The following PRR16 variants were observed in gnomAD, a reference collection of about 807,000 sequenced individuals.
PRR16 encodes proline rich 16.
PRR16 carries 6 observed loss-of-function variants against 18.2 expected under a neutral mutation model. The observed-to-expected ratio is 0.33, with a 90% CI of 0.18 to 0.65. PRR16 has a LOEUF of 0.65. Among genes scored for constraint, PRR16 ranks in the 30% least tolerant of loss-of-function variants. The pLI is 0.74. For missense variants in PRR16, 412 were observed against 376.6 expected (o/e 1.09, Z -0.78); for synonymous variants, 151 against 147.8 (o/e 1.02, Z -0.16).
chr5:120,694,529 A>C, the PRR16 span, among the ~76,000 whole-genome samples: 1 of 151,960 alleles, frequency 6.6e-6, no homozygotes. Context: ...CTAAAAATAC[A>C]AAAAATTAGC....
At chr5:120,669,888 G>T (rs1311442675) in intron 1 of PRR16, among the ~76,000 whole-genome samples, 2 of 151,946 alleles carry the variant, frequency 1.3e-5, no homozygotes, top group Non-Finnish European at 2.9e-5. Flanking sequence ...TGGGGGCTTT[G>T]ATTTTTTTTA....
intron 1 of PRR16, among the ~76,000 whole-genome samples, chr5:120,562,373 A>G (rs1347400698): frequency 6.6e-6 from 1 of 151,798 alleles, no homozygotes; most frequent in South Asian, 2.1e-4. Flanking sequence ...GTGTATTTTT[A>G]TAGGAGAAGT....
intron 1 of PRR16, among the ~76,000 whole-genome samples, chr5:120,530,905 G>A (rs1021439960): frequency 1.5e-4 from 23 of 152,138 alleles, no homozygotes; most frequent in Admixed American, 1.4e-3. Context: ...GGCTTTATTC[G>A]AGTAAGATAG....
At chr5:120,716,369 ATATATTTCCAC>A in the PRR16 span, among the ~76,000 whole-genome samples, 1 of 152,142 alleles carries the variant, frequency 6.6e-6, no homozygotes, top group Non-Finnish European at 1.5e-5. Flanking sequence ...GGAAACATAC[ATATATTTCCAC>A]TATCTACTCC....
chr5:120,647,585 T>C (rs1360248273), intron 1 of PRR16, among the ~76,000 whole-genome samples: 1 of 152,114 alleles, frequency 6.6e-6, no homozygotes. Flanking sequence ...ATTTCAAGTA[T>C]GTTATAATAT....
At chr5:120,666,318 G>C (rs1033112135) in intron 1 of PRR16, among the ~76,000 whole-genome samples, 122 of 152,304 alleles carry the variant, frequency 8.0e-4, no homozygotes, top group African/African-American at 2.8e-3. Flanking sequence ...TGTATCCTGA[G>C]ACTTTGCTGA....
rs1020603610 is a variant in PRR16, at chr5:120,667,709, T to C, written c.160-18245T>C. Among the ~76,000 whole-genome samples, 13 of 152,170 alleles carry C rather than the reference T, an allele frequency of 8.5e-5. No individual in the cohort carries two copies. The East Asian group carries it at 2.5e-3, about 29-fold the overall frequency. ...CTTTATTTCTGCCTTCATTTCATTA[T>C]GTACCCAGTAGTCATTCAGGAGCAG... On this transcript the variant is annotated intron_variant, in intron 1 of 1. Transcript: ENST00000407149.
chr5:120,530,318 A>C (rs1362870906), intron 1 of PRR16, among the ~76,000 whole-genome samples: 18 of 130,890 alleles, frequency 1.4e-4, no homozygotes, highest in African/African-American at 5.4e-4. Context: ...TTTATATTTT[A>C]CTACACACAC....
chr5:120,547,951 A>G (rs920287822), intron 1 of PRR16, among the ~76,000 whole-genome samples: 1 of 152,104 alleles, frequency 6.6e-6, no homozygotes, highest in African/African-American at 2.4e-5. Flanking sequence ...AAAAAGCCAG[A>G]TAATGAGAAT....
At chr5:120,643,460 A>C in intron 1 of PRR16, among the ~76,000 whole-genome samples, 1 of 152,128 alleles carries the variant, frequency 6.6e-6, no homozygotes, top group East Asian at 1.9e-4. Flanking sequence ...GAAAAATGAG[A>C]ACATGATTTT....
At chr5:120,773,245 A>T in the PRR16 span, among the ~76,000 whole-genome samples, 3 of 152,250 alleles carry the variant, frequency 2.0e-5, no homozygotes, top group Admixed American at 2.0e-4. Context: ...TGACTTGAAA[A>T]CAATAAGGTA....
intron 1 of PRR16, among the ~76,000 whole-genome samples, chr5:120,472,935 A>G (rs928746079): frequency 2.4e-4 from 36 of 152,194 alleles, no homozygotes; most frequent in Non-Finnish European, 4.1e-4. Flanking sequence ...AACTCATTGT[A>G]AATTAAGCAT....
chr5:120,720,704 A>G, the PRR16 span, among the ~76,000 whole-genome samples: 1 of 152,094 alleles, frequency 6.6e-6, no homozygotes, highest in Admixed American at 6.6e-5. Context: ...ATAACAGAAA[A>G]TTCTGCATTA....
intron 1 of PRR16, among the ~76,000 whole-genome samples, chr5:120,591,923 CA>C (rs1753648510): frequency 6.6e-6 from 1 of 152,062 alleles, no homozygotes; most frequent in African/African-American, 2.4e-5. Flanking sequence ...CTTGAAGAGA[CA>C]TGCTGAAACA....
the PRR16 span, among the ~76,000 whole-genome samples, chr5:120,710,468 A>C: frequency 6.6e-6 from 1 of 152,216 alleles, no homozygotes; most frequent in African/African-American, 2.4e-5. Flanking sequence ...ACCTTCTAAA[A>C]GGATTAAAAT....
chr5:120,775,111 A>G, the PRR16 span, among the ~76,000 whole-genome samples: 22 of 152,204 alleles, frequency 1.4e-4, no homozygotes, highest in African/African-American at 5.3e-4. Context: ...AACAGAAACA[A>G]TATCAACAAA....
rs529108645 is a variant in PRR16, at chr5:120,669,926, A to G, written c.160-16028A>G. On this transcript the variant is annotated intron_variant, in intron 1 of 1. Coordinates refer to ENST00000407149, the MANE Select transcript of PRR16 (RefSeq NM_001300783.2). ...TAATGATAGTATATTTATGAAGATA[A>G]ACAACGGCGTTTATATGACTACCAA... 1.4e-3 allele frequency among the ~76,000 whole-genome samples: 211 copies of G among 152,200 alleles called. 3 individuals are homozygous for G. Among genetic ancestry groups the G allele is most frequent in the South Asian group, 2.7e-3 (13 of 4,824 alleles).
chr5:120,498,897 A>G (rs943664365), intron 1 of PRR16, among the ~76,000 whole-genome samples: 1 of 151,932 alleles, frequency 6.6e-6, no homozygotes, highest in Admixed American at 6.6e-5. Context: ...TGTCTTTTAA[A>G]TTATATTTTT....
At chr5:120,750,627 A>G in the PRR16 span, among the ~76,000 whole-genome samples, 1 of 151,986 alleles carries the variant, frequency 6.6e-6, no homozygotes, top group African/African-American at 2.4e-5. Context: ...AGATCTCGCC[A>G]CTGCACTCCA....
Sources: gnomAD v4.1 joint callset for allele counts (sites outside exome capture counted in the v4.1 genomes callset) on GRCh38, gnomAD v4.1.1 for gene constraint, MANE v1.5 for transcripts, NCBI Gene and HGNC (gene_info 2026-07-23, HGNC 2026-07-21) for gene names.